The following DYNC1I1 variants were observed in gnomAD, a reference collection of about 807,000 sequenced individuals.
The protein encoded by DYNC1I1 is cytoplasmic dynein 1 intermediate chain 1.
In DYNC1I1, 43 loss-of-function variants were observed where a neutral mutation model predicts 86.6. The observed-to-expected ratio is 0.50, with a 90% CI of 0.39 to 0.64. DYNC1I1 has a LOEUF of 0.64. DYNC1I1 is among the 30% of genes least tolerant of loss of function. The pLI is 0.00. For synonymous variants in DYNC1I1, 262 were observed against 283.7 expected, an observed-to-expected ratio of 0.92 and a Z score of 0.77; for missense variants, 604 against 788.8, an observed-to-expected ratio of 0.77 and a Z score of 2.81.
intron 6 of DYNC1I1, among the ~76,000 whole-genome samples, chr7:95,912,118 C>T (rs2116345271): frequency 6.6e-6 from 1 of 152,212 alleles, no homozygotes; most frequent in African/African-American, 2.4e-5. Context: ...CTCACTGCAA[C>T]CTCCACCTCC....
At chr7:96,080,926 C>T (rs939373163) in intron 16 of DYNC1I1, among the ~76,000 whole-genome samples, 5 of 151,672 alleles carry the variant, frequency 3.3e-5, no homozygotes, top group African/African-American at 4.8e-5. Context: ...AAAAATTAGT[C>T]GGGCATGGTG....
chr7:95,818,528 G>A (rs1373469813), intron 4 of DYNC1I1: 4 of 644,610 alleles, frequency 6.2e-6, no homozygotes, highest in Middle Eastern at 2.5e-4. Context: ...TCCCCAGGCT[G>A]GTCTTGAACT....
At chr7:96,077,737 A>G (rs1238069118) in intron 15 of DYNC1I1, among the ~76,000 whole-genome samples, 2 of 152,292 alleles carry the variant, frequency 1.3e-5, no homozygotes, top group South Asian at 4.1e-4. Flanking sequence ...CCCAACTACA[A>G]TGCATATGAA....
intron 14 of DYNC1I1, among the ~76,000 whole-genome samples, chr7:96,068,811 T>G (rs969837816): frequency 8.7e-5 from 13 of 150,256 alleles, no homozygotes; most frequent in South Asian, 2.1e-4. Flanking sequence ...ATATGTATAT[T>G]TAATTTATTT....
intron 6 of DYNC1I1, among the ~76,000 whole-genome samples, chr7:95,884,261 G>A (rs1440894609): frequency 1.3e-5 from 2 of 152,160 alleles, no homozygotes; most frequent in Non-Finnish European, 2.9e-5. Flanking sequence ...GTAAGCTCCA[G>A]GTAAACATGC....
chr7:95,954,182 G>A lies in DYNC1I1; in HGVS notation c.491-23330G>A, dbSNP rs185004025. Among the ~76,000 whole-genome samples, 162 of 151,624 alleles carry A rather than the reference G, an allele frequency of 1.1e-3. 1 individual carries two copies. The highest frequency in any genetic ancestry group is 3.6e-3 in the African/African-American group (149 of 41,292). ...TGTCATTCTCAAAACAGGCAATTCC[G>A]TGTTTTAATACTTCCCATGTCACCT... On this transcript the variant is annotated intron_variant, in intron 6 of 16. Coordinates refer to ENST00000447467, the MANE Select transcript of DYNC1I1 (RefSeq NM_001135556.2).
intron 5 of DYNC1I1, among the ~76,000 whole-genome samples, chr7:95,861,987 G>A (rs1287003055): frequency 6.6e-6 from 1 of 152,112 alleles, no homozygotes; most frequent in Admixed American, 6.6e-5. Flanking sequence ...AGGAAAACTG[G>A]ATATCCACTG....
intron 2 of DYNC1I1, among the ~76,000 whole-genome samples, chr7:95,807,526 C>T (rs560366953): frequency 2.1e-4 from 32 of 151,994 alleles, no homozygotes; most frequent in Non-Finnish European, 4.3e-4. Context: ...TTTTTTTCTC[C>T]CTAAAATCCA....
intron 6 of DYNC1I1, among the ~76,000 whole-genome samples, chr7:95,871,357 G>A (rs1218225003): frequency 1.3e-5 from 2 of 151,962 alleles, no homozygotes; most frequent in Non-Finnish European, 2.9e-5. Context: ...TTAGCGAGGG[G>A]GAAAGAAAGA....
intron 4 of DYNC1I1, among the ~76,000 whole-genome samples, chr7:95,817,441 C>A (rs975661548): frequency 6.6e-6 from 1 of 152,030 alleles, no homozygotes; most frequent in African/African-American, 2.4e-5. Context: ...ACACAACCTA[C>A]CCCATAAGGT....
intron 6 of DYNC1I1, among the ~76,000 whole-genome samples, chr7:95,906,595 A>AT (rs541833829): frequency 3.4e-5 from 5 of 146,542 alleles, no homozygotes; most frequent in East Asian, 2.0e-4. Flanking sequence ...ATTAGCCTTA[A>AT]TTTTTTTTTC....
At chr7:95,818,052 A>G (rs1431950584) in intron 4 of DYNC1I1, among the ~76,000 whole-genome samples, 1 of 152,242 alleles carries the variant, frequency 6.6e-6, no homozygotes, top group South Asian at 2.1e-4. Flanking sequence ...AAGTTAAAAC[A>G]TCTCTCAACG....
At chr7:96,022,810 A>G (rs1794585854) in intron 10 of DYNC1I1, among the ~76,000 whole-genome samples, 1 of 151,930 alleles carries the variant, frequency 6.6e-6, no homozygotes, top group African/African-American at 2.4e-5. Context: ...GTGAGCTATG[A>G]CTTGAGCTAT....
chr7:95,800,248 T>G (rs1276875036), intron 1 of DYNC1I1, among the ~76,000 whole-genome samples: 1 of 151,810 alleles, frequency 6.6e-6, no homozygotes, highest in African/African-American at 2.4e-5. Context: ...TAGGGATTTG[T>G]GTATGGAGTC....
At chr7:96,072,801 A>C (rs1790209402) in intron 14 of DYNC1I1, among the ~76,000 whole-genome samples, 1 of 152,226 alleles carries the variant, frequency 6.6e-6, no homozygotes, top group Non-Finnish European at 1.5e-5. Context: ...CAAAATATAC[A>C]TGAGTTTATG....
intron 10 of DYNC1I1, among the ~76,000 whole-genome samples, chr7:96,010,237 G>T (rs927861844): frequency 1.3e-5 from 2 of 152,226 alleles, no homozygotes; most frequent in South Asian, 4.2e-4. Flanking sequence ...TGGTTGACCC[G>T]GAACACCCCA....
chr7:95,945,416 A>G (rs1455302382), intron 6 of DYNC1I1, among the ~76,000 whole-genome samples: 1 of 152,226 alleles, frequency 6.6e-6, no homozygotes, highest in African/African-American at 2.4e-5. Context: ...TTGCATAAAT[A>G]TTCCTTCAGT....
intron 6 of DYNC1I1, among the ~76,000 whole-genome samples, chr7:95,970,177 A>C (rs1276523535): frequency 6.6e-6 from 1 of 152,120 alleles, no homozygotes; most frequent in African/African-American, 2.4e-5. Flanking sequence ...ACTGTCTGCT[A>C]TACAAATACA....
chr7:96,002,598 A>G (rs1794038209), intron 10 of DYNC1I1, among the ~76,000 whole-genome samples: 1 of 152,180 alleles, frequency 6.6e-6, no homozygotes, highest in South Asian at 2.1e-4. Context: ...ATTATTGAAT[A>G]TACAAGAATG....
Sources: allele counts gnomAD v4.1 joint callset (sites outside exome capture counted in the v4.1 genomes callset), GRCh38; gene constraint gnomAD v4.1.1; transcripts MANE v1.5; gene names NCBI Gene and HGNC (gene_info 2026-07-23, HGNC 2026-07-21).